Variants in SNIP1 observed in about 807,000 individuals in gnomAD.
SNIP1 encodes the protein Smad nuclear interacting protein 1, also known as smad nuclear-interacting protein 1.
Under a neutral mutation model 37.4 loss-of-function variants are expected in SNIP1, and 23 were observed. The observed-to-expected ratio is 0.61, with a 90% CI of 0.44 to 0.87. The LOEUF is 0.87. Among genes scored for constraint, SNIP1 ranks in the 40% least tolerant of loss-of-function variants. SNIP1 has a pLI of 0.00. For missense variants in SNIP1, 459 were observed against 540.4 expected (o/e 0.85, Z 1.49); for synonymous variants, 174 against 200.0 (o/e 0.87, Z 1.10).
chr1:37,544,964 CT>C, intron 2 of SNIP1: 1 of 795,904 alleles, frequency 1.3e-6, no homozygotes. Flanking sequence ...ACTGATGAAG[CT>C]GCAGAACCAA....
chr1:37,545,350 AAGGC>A (rs1380363164), intron 2 of SNIP1: 3 of 549,394 alleles, frequency 5.5e-6, no homozygotes, highest in Admixed American at 2.1e-5. Context: ...CCTGGTCACC[AAGGC>A]AGTGCATGCA....
In SNIP1 at chr1:37,537,593, AAC is replaced by A; in HGVS notation, c.*153_*154del. 3.7e-6 allele frequency: 3 copies of A among 801,184 alleles called. No homozygotes were observed. The highest frequency in any genetic ancestry group is 5.9e-6 in the Non-Finnish European group (3 of 505,344). 49.6% of individuals were successfully genotyped at this position (801,184 alleles called of 1,614,324 possible). A position where few individuals can be genotyped will look rare whatever the true frequency, so the allele number is the denominator to read the frequency against. On this transcript the variant is annotated 3_prime_UTR_variant, in exon 4 of 4. Transcript: ENST00000296215. Reference sequence around the variant, plus strand: ...ACATTAGTCAGTGTATTCAAATGGTAACACAATCTGGTCAGCAACAGAGGAAA... The same window carrying A: ...ACATTAGTCAGTGTATTCAAATGGTAACAATCTGGTCAGCAACAGAGGAAA...
rs1334547177 is a variant in SNIP1, at chr1:37,536,672, T to C, written c.*1076A>G. On this transcript the variant is annotated 3_prime_UTR_variant, in exon 4 of 4. Transcript: ENST00000296215. ...TCAGCTCTTTAACACACAATTTACA[T>C]ATATACATACATACACACTATATGT... is the stretch of plus-strand genomic sequence containing the variant. 1 of 152,476 alleles carries C rather than the reference T, an allele frequency of 6.6e-6. No individual in the cohort carries two copies. Among genetic ancestry groups the C allele is most frequent in the Non-Finnish European group, 1.5e-5 (1 of 68,044 alleles). 9.4% of individuals were successfully genotyped at this position (152,476 alleles called of 1,614,324 possible). A position where few individuals can be genotyped will look rare whatever the true frequency, so the allele number is the denominator to read the frequency against.
At chr1:37,544,723 GCCGTGCAGC>G in intron 2 of SNIP1, 1 of 629,916 alleles carries the variant, frequency 1.6e-6, no homozygotes, top group South Asian at 1.5e-5. Flanking sequence ...CCACTCCAGC[GCCGTGCAGC>G]CACCGCCGCA....
At chr1:37,551,913 G>A (rs954907595) in intron 2 of SNIP1, among the ~76,000 whole-genome samples, 8 of 152,116 alleles carry the variant, frequency 5.3e-5, no homozygotes. Context: ...AACTCTTAAC[G>A]TTCACATAAA....
chr1:37,544,922 C>G, intron 2 of SNIP1: 1 of 1,025,948 alleles, frequency 9.7e-7, no homozygotes, highest in South Asian at 1.3e-5. Context: ...CTTTCTTCAC[C>G]AATCTCATGA....
chr1:37,553,027 G>A (rs145116862), intron 1 of SNIP1, among the ~76,000 whole-genome samples: 6 of 151,878 alleles, frequency 4.0e-5, no homozygotes, highest in Non-Finnish European at 7.4e-5. Flanking sequence ...TTGCCATCTC[G>A]CTGATTGGCA....
chr1:37,539,577 G>A (rs908386039), intron 3 of SNIP1, among the ~76,000 whole-genome samples: 3 of 152,186 alleles, frequency 2.0e-5, no homozygotes, highest in Non-Finnish European at 4.4e-5. Flanking sequence ...GGGTGTGCTG[G>A]TGTGTGCCTG....
At chr1:37,553,791 T>A (rs567228820) in intron 1 of SNIP1, among the ~76,000 whole-genome samples, 82 of 152,258 alleles carry the variant, frequency 5.4e-4, no homozygotes, top group African/African-American at 1.8e-3. Flanking sequence ...AGGAGTGGGA[T>A]CCTGCCGGTT....
At chr1:37,542,396 A>T (rs549986663) in intron 2 of SNIP1, among the ~76,000 whole-genome samples, 1 of 152,354 alleles carries the variant, frequency 6.6e-6, no homozygotes, top group East Asian at 1.9e-4. Context: ...ACCACAGATA[A>T]GGGGAGACTA....
intron 3 of SNIP1, among the ~76,000 whole-genome samples, chr1:37,539,057 T>C (rs1643135483): frequency 6.6e-6 from 1 of 152,116 alleles, no homozygotes; most frequent in African/African-American, 2.4e-5. Context: ...TCTGTCACTG[T>C]CACCCATCAC....
At position 37,552,693 on chromosome 1, in the gene SNIP1, G is replaced by T. The variant is rs1267021654; in HGVS notation, c.279C>A (p.Arg93=). The change falls in exon 2 of 4, where the codon CGC becomes CGA. Residue 93 remains arginine, a synonymous_variant. Coordinates refer to ENST00000296215, the MANE Select transcript of SNIP1 (RefSeq NM_024700.4). The stretch of plus-strand genomic sequence containing the variant: ...GGTGAGGACTTCGGTTTCTCTTACT[G>T]CGAGGAGACTTGCTTCTTCTCCCTG... ...KASGRRSKSP[R]SKRNRSPHHS... is the part of the protein sequence containing the mutation. The T allele has an allele frequency of 6.2e-7, 1 of 1,614,182 alleles. No individual in the cohort carries two copies. The highest frequency in any genetic ancestry group is 8.5e-7 in the Non-Finnish European group (1 of 1,180,030).
In SNIP1 at chr1:37,540,024, GATTAACA is replaced by G. The variant is rs1296222899; in HGVS notation, c.926+126_926+132del. On this transcript the variant is annotated intron_variant, in intron 3 of 3. Coordinates refer to ENST00000296215, the MANE Select transcript of SNIP1 (RefSeq NM_024700.4). This position sits in a 1 kb window ranked among gnomAD's most constrained non-coding sequence, Gnocchi z 5.6. ...TAAGCAATTATTTAAAGGGCAGTTA[GATTAACA>G]ATACTCTTTAGATAACATATGAGGG... The G allele has an allele frequency of 6.7e-5, 47 of 699,950 alleles. No homozygotes were observed. Among genetic ancestry groups the G allele is most frequent in the Non-Finnish European group, 9.5e-5 (40 of 420,896 alleles). 43.4% of individuals were successfully genotyped at this position (699,950 alleles called of 1,614,324 possible). A position where few individuals can be genotyped will look rare whatever the true frequency, so the allele number is the denominator to read the frequency against.
intron 2 of SNIP1, among the ~76,000 whole-genome samples, chr1:37,550,869 G>A (rs1010765375): frequency 1.3e-5 from 2 of 152,130 alleles, no homozygotes; most frequent in African/African-American, 4.8e-5. Flanking sequence ...GCCGAGGCAG[G>A]CAGATCACGA....
At chr1:37,548,152 C>CA (rs35503081) in intron 2 of SNIP1, among the ~76,000 whole-genome samples, 14,006 of 65,226 alleles carry the variant, frequency 0.21, 2,407 homozygotes, top group African/African-American at 0.44. Context: ...GACTCCATAT[C>CA]AAAAAAAAAA....
rs1193421102 is a variant in SNIP1, at chr1:37,536,243, G to C, written c.*1505C>G. 2 of 152,052 alleles carry C rather than the reference G, an allele frequency of 1.3e-5. No homozygotes were observed. The highest frequency in any genetic ancestry group is 4.8e-5 in the African/African-American group (2 of 41,380). The allele number at this position is 152,052 out of a possible 1,614,324, so 9.4% of individuals were successfully genotyped here. On this transcript the variant is annotated 3_prime_UTR_variant, in exon 4 of 4. Transcript: ENST00000296215. ...CAATCTTTAGCCCTGAGCACACATG[G>C]GTATAAAAACAATGGAAAACAATCA...
In SNIP1 at chr1:37,535,063, C is replaced by T. The variant is rs1321041469; in HGVS notation, c.*2685G>A. ...AAGAAAGGGGTAAGGGAAAACAAGACCAAAAAAAAAAAAAAACACCTTCTC... is the reference window on the plus strand; with the variant it reads ...AAGAAAGGGGTAAGGGAAAACAAGATCAAAAAAAAAAAAAAACACCTTCTC... On this transcript the variant is annotated 3_prime_UTR_variant, in exon 4 of 4. Coordinates refer to ENST00000296215, the MANE Select transcript of SNIP1 (RefSeq NM_024700.4). 1 of 135,754 alleles carries T rather than the reference C, an allele frequency of 7.4e-6. No individual in the cohort carries two copies. The highest frequency in any genetic ancestry group is 2.4e-4 in the South Asian group (1 of 4,094). 8.4% of individuals were successfully genotyped at this position (135,754 alleles called of 1,614,324 possible).
chr1:37,541,861 G>A (rs1031982189), intron 2 of SNIP1, among the ~76,000 whole-genome samples: 6 of 152,090 alleles, frequency 3.9e-5, no homozygotes, highest in Non-Finnish European at 7.4e-5. Context: ...TCTTAACTAA[G>A]CACTTGTGAA....
At chr1:37,544,446 C>CAAAAAAAAAA (rs11374263) in intron 2 of SNIP1, among the ~76,000 whole-genome samples, 1 of 94,188 alleles carries the variant, frequency 1.1e-5, no homozygotes, top group Non-Finnish European at 2.0e-5. Context: ...GACTCTGTCT[C>CAAAAAAAAAA]AAAAAAAAAA....
Sources: gnomAD v4.1 joint callset for allele counts (sites outside exome capture counted in the v4.1 genomes callset) on GRCh38, gnomAD v4.1.1 for gene constraint, Gnocchi (gnomAD v3.1) non-coding constraint, MANE v1.5 for transcripts, NCBI Gene and HGNC (gene_info 2026-07-23, HGNC 2026-07-21) for gene names.